DBNL: variants seen among roughly 807,000 people sequenced by gnomAD.
The protein encoded by DBNL is drebrin-like protein.
A neutral mutation model predicts 62.2 loss-of-function variants in DBNL; 35 were observed. That is an observed-to-expected ratio of 0.56 (90% CI 0.43 to 0.75). The LOEUF is 0.75. Among genes scored for constraint, DBNL ranks in the 30% least tolerant of loss-of-function variants. The probability of loss-of-function intolerance (pLI) is 0.00; values close to 1 mark genes in which losing one functional copy is unlikely to be tolerated. For missense variants in DBNL, 495 were observed against 578.4 expected (o/e 0.86, Z 1.48); for synonymous variants, 197 against 218.0 (o/e 0.90, Z 0.85).
chr7:44,061,252 G>A lies in DBNL; in HGVS notation c.*336G>A. On this transcript the variant is annotated 3_prime_UTR_variant, in exon 13 of 13. Coordinates refer to ENST00000448521, the MANE Select transcript of DBNL (RefSeq NM_001014436.3). Reference sequence around the variant, plus strand: ...GGTCCTGAGCAGGGGCATCTGGGAGGCTCTGGCTGCCTTCTGCATTTATTT... The same window carrying A: ...GGTCCTGAGCAGGGGCATCTGGGAGACTCTGGCTGCCTTCTGCATTTATTT... 1 of 290,268 alleles carries A rather than the reference G, an allele frequency of 3.4e-6. No individual in the cohort carries two copies. Among genetic ancestry groups the A allele is most frequent in the Non-Finnish European group, 6.5e-6 (1 of 153,624 alleles). 18.0% of individuals were successfully genotyped at this position (290,268 alleles called of 1,614,324 possible).
rs572295358 is a variant in DBNL at position 44,055,653 on chromosome 7, T to G, written c.328-1104T>G. On this transcript the variant is annotated intron_variant, in intron 4 of 12. Coordinates refer to ENST00000448521, the MANE Select transcript of DBNL (RefSeq NM_001014436.3). ...ATGGTTTTGGTTTGCATTTCCCTGA[T>G]GATGGTTAGTGATGTTGAGCATTTT... Among the ~76,000 whole-genome samples, 3 of 152,376 alleles carry G rather than the reference T, an allele frequency of 2.0e-5. No individual in the cohort carries two copies. In the South Asian group the frequency reaches 6.2e-4, roughly 32 times the overall value.
rs369581269 is a variant in DBNL, at chr7:44,060,079, T to C, written c.1079T>C (p.Ile360Thr). 1.1e-4 allele frequency: 175 copies of C among 1,613,616 alleles called. No homozygotes were observed. In the East Asian group the frequency reaches 2.5e-3, roughly 23 times the overall value. Reference sequence around the variant, plus strand: ...CAGCAAGGTGCTGGCTCTGAGCACATTGACCACCACATTCAGGGCCAGGGG... The same window carrying C: ...CAGCAAGGTGCTGGCTCTGAGCACACTGACCACCACATTCAGGGCCAGGGG... ...VQQQGAGSEHIDHHIQGQGLS... is the reference protein window; with the variant it reads ...VQQQGAGSEHTDHHIQGQGLS... Residue 360 changes from isoleucine (I) to threonine (T), a missense_variant, in exon 12 of 13, where the codon ATT (isoleucine) becomes ACT (threonine). By Grantham distance (89) the Ile-to-Thr change is moderately conservative (BLOSUM62 -1). Coordinates refer to ENST00000448521, the MANE Select transcript of DBNL (RefSeq NM_001014436.3). The surrounding 1 kb of genome is among the most constrained non-coding windows in gnomAD (Gnocchi z 6.3).
At position 44,059,508 on chromosome 7, in the gene DBNL, G is replaced by T; in HGVS notation, c.932-35G>T. The T allele has an allele frequency of 3.7e-6, 6 of 1,613,458 alleles. No individual in the cohort carries two copies. Among genetic ancestry groups the T allele is most frequent in the Non-Finnish European group, 5.1e-6 (6 of 1,179,662 alleles). ...GGACAGCAGTGGAGAAGGGGGATGT[G>T]TGGGAGTGAGAACCTGCTGTGTTCC... is the stretch of plus-strand genomic sequence containing the variant. On this transcript the variant is annotated intron_variant, in intron 10 of 12. Transcript: ENST00000448521. The surrounding 1 kb of genome is among the most constrained non-coding windows in gnomAD (Gnocchi z 4.1).
In DBNL at chr7:44,064,925, T is replaced by G; in HGVS notation, c.*4009T>G. On this transcript the variant is annotated 3_prime_UTR_variant, in exon 13 of 13. Coordinates refer to ENST00000448521, the MANE Select transcript of DBNL (RefSeq NM_001014436.3). ...TTGATCTGGGGAACAATCTCCTCGT[T>G]CCAGAAGGGCAGGGCCCGGGCAATG... 6.2e-7 allele frequency: 1 copy of G among 1,611,018 alleles called. No homozygotes were observed. Among genetic ancestry groups the G allele is most frequent in the Non-Finnish European group, 8.5e-7 (1 of 1,179,716 alleles).
Position 44,062,711 on chromosome 7 carries a change from G to C in DBNL, c.*1795G>C. 1 of 1,593,048 alleles carries C rather than the reference G, an allele frequency of 6.3e-7. No homozygotes were observed. The highest frequency in any genetic ancestry group is 2.2e-5 in the East Asian group (1 of 44,592). ...CGGTGTGAGCCTGGCATGCACGGCT[G>C]CGCTGGACTCCAGGCTGTTGGGGGA... On this transcript the variant is annotated 3_prime_UTR_variant, in exon 13 of 13. Transcript: ENST00000448521.
In DBNL at chr7:44,058,231, C is replaced by T. The variant is rs374954243; in HGVS notation, c.655C>T (p.Arg219Cys). The T allele has an allele frequency of 8.2e-5, 129 of 1,575,812 alleles. No individual in the cohort carries two copies. Among genetic ancestry groups the T allele is most frequent in the African/African-American group, 6.6e-4 (49 of 74,538 alleles). ...GGAGCGTGAGCTGCGTGAGGCTGCA[C>T]GCCGGGAGCAGCGCTATCAGGAGCA... ...RRERELREAA[R>C]REQRYQEQGG... Residue 219 changes from arginine (R) to cysteine (C), a missense_variant, in exon 7 of 13, where the codon CGC becomes TGC. Arg to Cys is a radical substitution (Grantham distance 180). Coordinates refer to ENST00000448521, the MANE Select transcript of DBNL (RefSeq NM_001014436.3).
In DBNL at chr7:44,064,309, T is replaced by C. The variant is rs897727684; in HGVS notation, c.*3393T>C. On this transcript the variant is annotated 3_prime_UTR_variant, in exon 13 of 13. Transcript: ENST00000448521. ...CCCCTCTTTTGATTGGTCTTTCCTT[T>C]GCCCAGAGAGGGGCTCCAGAGGGAG... 2 of 191,256 alleles carry C rather than the reference T, an allele frequency of 1.0e-5. No individual in the cohort carries two copies. 11.8% of individuals were successfully genotyped at this position (191,256 alleles called of 1,614,324 possible).
Position 44,059,746 on chromosome 7 carries a change from G to T in DBNL, c.1047+88G>T. The T allele has an allele frequency of 2.3e-6, 3 of 1,290,576 alleles. No individual in the cohort carries two copies. The highest frequency in any genetic ancestry group is 5.0e-5 in the East Asian group (2 of 39,634). 79.9% of individuals were successfully genotyped at this position (1,290,576 alleles called of 1,614,324 possible). ...GGCCGCCTGAGTTTTCTGGGGGCATGCAACAGGTTTTAAAGCACATGCATT... is the reference window on the plus strand; with the variant it reads ...GGCCGCCTGAGTTTTCTGGGGGCATTCAACAGGTTTTAAAGCACATGCATT... On this transcript the variant is annotated intron_variant, in intron 11 of 12. Coordinates refer to ENST00000448521, the MANE Select transcript of DBNL (RefSeq NM_001014436.3). The surrounding 1 kb of genome is among the most constrained non-coding windows in gnomAD (Gnocchi z 4.1).
In DBNL at chr7:44,064,246, G is replaced by A. The variant is rs1217359703; in HGVS notation, c.*3330G>A. On this transcript the variant is annotated 3_prime_UTR_variant, in exon 13 of 13. Coordinates refer to ENST00000448521, the MANE Select transcript of DBNL (RefSeq NM_001014436.3). Reference sequence around the variant, plus strand: ...GCCCTTGCTCTTCAGTGGGAGCCCAGCTGCAAGCCCAGAGTCTGGCCACTC... The same window carrying A: ...GCCCTTGCTCTTCAGTGGGAGCCCAACTGCAAGCCCAGAGTCTGGCCACTC... 1 of 156,218 alleles carries A rather than the reference G, an allele frequency of 6.4e-6. No individual in the cohort carries two copies. The highest frequency in any genetic ancestry group is 1.4e-5 in the Non-Finnish European group (1 of 70,536). The allele number at this position is 156,218 out of a possible 1,614,324, so 9.7% of individuals were successfully genotyped here.
At chr7:44,052,224 G>A (rs1233175024) in intron 3 of DBNL, among the ~76,000 whole-genome samples, 1 of 152,122 alleles carries the variant, frequency 6.6e-6, no homozygotes, top group Non-Finnish European at 1.5e-5. Flanking sequence ...TCTTGAGGGT[G>A]GTTGTTCTGA....
At chr7:44,058,850 G>A in intron 8 of DBNL, 52 bp from the exon 9 acceptor site, 1 of 1,608,732 alleles carries the variant, frequency 6.2e-7, no homozygotes, top group South Asian at 1.1e-5. Flanking sequence ...GATCTGGGGA[G>A]AGGTGGTGAA....
Position 44,063,288 on chromosome 7 carries a change from TTTTTC to T in DBNL, c.*2377_*2381del. ...GTTTTTTTTTTTTCTTTTCTTTTTCTTTTTCTTTTTTTTGAGATGGAGTTTTACTC... is the reference window on the plus strand; with the variant it reads ...GTTTTTTTTTTTTCTTTTCTTTTTCTTTTTTTTTGAGATGGAGTTTTACTC... On this transcript the variant is annotated 3_prime_UTR_variant, in exon 13 of 13. Transcript: ENST00000448521. 1 of 320,582 alleles carries T rather than the reference TTTTTC, an allele frequency of 3.1e-6. No homozygotes were observed. 19.9% of individuals were successfully genotyped at this position (320,582 alleles called of 1,614,324 possible).
rs2096146680 is a variant in DBNL, at chr7:44,060,499, T to G, written c.1154-278T>G. 6.6e-6 allele frequency among the ~76,000 whole-genome samples: 1 copy of G among 151,964 alleles called. No individual in the cohort carries two copies. Among genetic ancestry groups the G allele is most frequent in the Non-Finnish European group, 1.5e-5 (1 of 67,958 alleles). Reference sequence around the variant, plus strand: ...GTCCCTGGGTGGAGGCCTTGGAGAATGGGGTGGAGGCCCCCTACGGAGCAG... The same window carrying G: ...GTCCCTGGGTGGAGGCCTTGGAGAAGGGGGTGGAGGCCCCCTACGGAGCAG... On this transcript the variant is annotated intron_variant, in intron 12 of 12. Coordinates refer to ENST00000448521, the MANE Select transcript of DBNL (RefSeq NM_001014436.3). The surrounding 1 kb of genome is among the most constrained non-coding windows in gnomAD (Gnocchi z 6.3).
chr7:44,058,386 G>T (rs1404438406), intron 7 of DBNL, 46 bp from the exon 8 acceptor site: 1 of 1,613,802 alleles, frequency 6.2e-7, no homozygotes, highest in Non-Finnish European at 8.5e-7. Flanking sequence ...GGCATGAGAA[G>T]CTGTGACTGT....
Position 44,060,244 on chromosome 7 carries a change from G to C in DBNL, c.1153+91G>C. On this transcript the variant is annotated intron_variant, in intron 12 of 12. Coordinates refer to ENST00000448521, the MANE Select transcript of DBNL (RefSeq NM_001014436.3). The surrounding 1 kb of genome is among the most constrained non-coding windows in gnomAD (Gnocchi z 6.3). ...GGGTTTTATGGGAAGATGGCACCAG[G>C]GGGTATCAGGAAGAGAAGACAGGAG... The C allele has an allele frequency of 8.3e-7, 1 of 1,198,060 alleles. No homozygotes were observed. Among genetic ancestry groups the C allele is most frequent in the South Asian group, 1.4e-5 (1 of 73,842 alleles). 74.2% of individuals were successfully genotyped at this position (1,198,060 alleles called of 1,614,324 possible).
chr7:44,050,671 G>A, intron 2 of DBNL: 1 of 194,114 alleles, frequency 5.2e-6, no homozygotes, highest in Non-Finnish European at 1.1e-5. Context: ...TGCTTGCAGG[G>A]GCCCCATCCT....
intron 2 of DBNL, 115 bp from the exon 3 acceptor site, chr7:44,051,715 C>A: frequency 1.2e-6 from 1 of 826,774 alleles, no homozygotes; most frequent in South Asian, 1.7e-5. Flanking sequence ...GATTCTGATA[C>A]AGGTAGAGGT....
At chr7:44,050,775 G>A (rs2096125286) in intron 2 of DBNL, 1 of 154,968 alleles carries the variant, frequency 6.5e-6, no homozygotes, top group African/African-American at 2.4e-5. Flanking sequence ...CAGAGCAGAG[G>A]TTGTCAGGGT....
chr7:44,054,861 C>T (rs1404168672), intron 4 of DBNL, among the ~76,000 whole-genome samples: 2 of 152,180 alleles, frequency 1.3e-5, no homozygotes, highest in African/African-American at 2.4e-5. Flanking sequence ...TTTTTAGCTC[C>T]CACATGAGTG....
Sources: allele counts gnomAD v4.1 joint callset (sites outside exome capture counted in the v4.1 genomes callset), GRCh38; gene constraint gnomAD v4.1.1; non-coding constraint Gnocchi (gnomAD v3.1); transcripts MANE v1.5; gene names NCBI Gene and HGNC (gene_info 2026-07-23, HGNC 2026-07-21).